PIBF1: variants seen among roughly 807,000 people sequenced by gnomAD.
PIBF1 encodes the protein progesterone-induced-blocking factor 1.
Under a neutral mutation model 112.5 loss-of-function variants are expected in PIBF1, and 90 were observed. The ratio of observed to expected loss-of-function variants is 0.80; its 90% CI spans 0.67 to 0.95. PIBF1 has a LOEUF of 0.95. PIBF1 is among the 40% of genes least tolerant of loss of function. The probability of loss-of-function intolerance (pLI) is 0.00; values close to 1 mark genes in which losing one functional copy is unlikely to be tolerated. For missense variants in PIBF1, 915 were observed against 852.3 expected (o/e 1.07, Z -0.92); for synonymous variants, 301 against 288.6 (o/e 1.04, Z -0.44).
intron 14 of PIBF1, among the ~76,000 whole-genome samples, chr13:72,958,843 G>T (rs1471028561): frequency 6.6e-6 from 1 of 152,166 alleles, no homozygotes; most frequent in African/African-American, 2.4e-5. Context: ...AATTTGGATG[G>T]AGTGGCCTAC....
chr13:72,796,307 G>A (rs1454405499), intron 4 of PIBF1, among the ~76,000 whole-genome samples: 1 of 152,106 alleles, frequency 6.6e-6, no homozygotes, highest in Non-Finnish European at 1.5e-5. Flanking sequence ...TTCCCTGAAA[G>A]GATCTCAGAG....
chr13:72,815,472 C>A (rs959033235), intron 5 of PIBF1, among the ~76,000 whole-genome samples: 1 of 152,276 alleles, frequency 6.6e-6, no homozygotes, highest in Non-Finnish European at 1.5e-5. Flanking sequence ...ACTATAAAAT[C>A]TTGGAACATG....
chr13:72,896,996 G>A (rs1260698508), intron 11 of PIBF1, among the ~76,000 whole-genome samples: 3 of 152,106 alleles, frequency 2.0e-5, no homozygotes, highest in Non-Finnish European at 2.9e-5. Flanking sequence ...GCACATTGTC[G>A]TCAGGTTATC....
intron 16 of PIBF1, among the ~76,000 whole-genome samples, chr13:72,996,094 G>GT (rs71102897): frequency 1.7e-5 from 2 of 119,610 alleles, no homozygotes; most frequent in African/African-American, 6.1e-5. Context: ...AAGCGGGGGG[G>GT]GGGGGTCATA....
At chr13:72,910,745 A>G (rs1411025711) in intron 12 of PIBF1, among the ~76,000 whole-genome samples, 1 of 152,230 alleles carries the variant, frequency 6.6e-6, no homozygotes, top group African/African-American at 2.4e-5. Flanking sequence ...ATAAGTGAAT[A>G]TAGCAGAATA....
chr13:72,802,083 T>A (rs1242247791), intron 5 of PIBF1, among the ~76,000 whole-genome samples: 1 of 152,198 alleles, frequency 6.6e-6, no homozygotes, highest in Non-Finnish European at 1.5e-5. Flanking sequence ...ACTAATAGAC[T>A]ATGTTATACT....
chr13:72,806,196 T>A (rs1447309671), intron 5 of PIBF1, among the ~76,000 whole-genome samples: 1 of 152,162 alleles, frequency 6.6e-6, no homozygotes, highest in Non-Finnish European at 1.5e-5. Flanking sequence ...TAGACACTGA[T>A]TCTCCCTCTC....
chr13:72,905,804 T>A (rs2040682951), intron 11 of PIBF1, among the ~76,000 whole-genome samples: 2 of 152,218 alleles, frequency 1.3e-5, no homozygotes, highest in Admixed American at 1.3e-4. Context: ...GTAATTATTA[T>A]GCTTTGTTTA....
intron 16 of PIBF1, among the ~76,000 whole-genome samples, chr13:72,978,915 C>G (rs746996755): frequency 6.6e-6 from 1 of 152,126 alleles, no homozygotes; most frequent in Non-Finnish European, 1.5e-5. Context: ...TGATTTCAGG[C>G]CCGATGCAGT....
intron 5 of PIBF1, among the ~76,000 whole-genome samples, chr13:72,809,465 T>C (rs977918778): frequency 1.3e-5 from 2 of 152,054 alleles, no homozygotes; most frequent in Admixed American, 1.3e-4. Context: ...ACATTCAGGG[T>C]TTTAAATTCT....
chr13:72,812,599 A>G (rs1025666160), intron 5 of PIBF1, among the ~76,000 whole-genome samples: 1 of 152,002 alleles, frequency 6.6e-6, no homozygotes, highest in Non-Finnish European at 1.5e-5. Context: ...CCTGGCCAAC[A>G]TGGTGAAACC....
At chr13:72,920,950 T>C (rs957722602) in intron 13 of PIBF1, among the ~76,000 whole-genome samples, 4 of 152,214 alleles carry the variant, frequency 2.6e-5, no homozygotes, top group African/African-American at 9.6e-5. Flanking sequence ...AGGAACCTAT[T>C]TTCCAACTAC....
intron 17 of PIBF1, among the ~76,000 whole-genome samples, chr13:72,999,278 AAAAG>A (rs2043781903): frequency 6.7e-6 from 1 of 149,068 alleles, no homozygotes; most frequent in Non-Finnish European, 1.5e-5. Context: ...AAATTAAAGA[AAAAG>A]AAATAAGAAA....
intron 5 of PIBF1, among the ~76,000 whole-genome samples, chr13:72,803,935 T>C (rs1289966779): frequency 6.6e-6 from 1 of 152,222 alleles, no homozygotes; most frequent in Non-Finnish European, 1.5e-5. Flanking sequence ...TTGTCAGTTT[T>C]TCATTTGAAG....
chr13:72,973,626 C>G lies in PIBF1; in HGVS notation c.2000C>G (p.Thr667Arg). ...LNKEKSALLQ[T>R]KNQMALDLEQ... ...AAAGAAAAGTCAGCTTTACTACAGA[C>G]GAAGAATCAAATGGCATTAGATTTA... The change falls in exon 16 of 18, where the codon ACG (threonine) becomes AGG (arginine). Residue 667 changes from threonine to arginine, a missense_variant. By Grantham distance (71) the Thr-to-Arg change is moderately conservative (BLOSUM62 -1). Transcript: ENST00000326291. 1 of 1,571,920 alleles carries G rather than the reference C, an allele frequency of 6.4e-7. No homozygotes were observed. Among genetic ancestry groups the G allele is most frequent in the South Asian group, 1.2e-5 (1 of 83,522 alleles).
chr13:72,820,238 A>C (rs1471340630), intron 5 of PIBF1, among the ~76,000 whole-genome samples: 1 of 152,140 alleles, frequency 6.6e-6, no homozygotes, highest in Non-Finnish European at 1.5e-5. Context: ...GCAGGAATTC[A>C]GTTTTAGACA....
At chr13:72,820,297 C>T (rs982923597) in intron 5 of PIBF1, among the ~76,000 whole-genome samples, 2 of 152,064 alleles carry the variant, frequency 1.3e-5, no homozygotes, top group Admixed American at 6.6e-5. Flanking sequence ...TACTCTCTTC[C>T]AAAACAGTGA....
At position 72,803,599 on chromosome 13, in the gene PIBF1, G is replaced by A. The variant is rs143829253; in HGVS notation, c.672+5573G>A. 6.6e-4 allele frequency among the ~76,000 whole-genome samples: 101 copies of A among 152,290 alleles called. 3 individuals are homozygous for A. The East Asian group carries it at 0.014, about 22-fold the overall frequency. ...GTGGGACTTTCTTAATATCTAAATAGTGGTTTAAAGAATAATAATTTAGTA... is the reference window on the plus strand; with the variant it reads ...GTGGGACTTTCTTAATATCTAAATAATGGTTTAAAGAATAATAATTTAGTA... On this transcript the variant is annotated intron_variant, in intron 5 of 17. Transcript: ENST00000326291.
At chr13:72,964,647 C>T (rs1218186286) in intron 14 of PIBF1, among the ~76,000 whole-genome samples, 1 of 152,074 alleles carries the variant, frequency 6.6e-6, no homozygotes, top group Non-Finnish European at 1.5e-5. Flanking sequence ...AAGAGTTTAA[C>T]TTTTAGCTAA....
Sources: allele counts gnomAD v4.1 joint callset (sites outside exome capture counted in the v4.1 genomes callset), GRCh38; gene constraint gnomAD v4.1.1; transcripts MANE v1.5; gene names NCBI Gene and HGNC (gene_info 2026-07-23, HGNC 2026-07-21).